ARHGEF25: variants seen among roughly 807,000 people sequenced by gnomAD.
ARHGEF25 encodes the protein Rho guanine nucleotide exchange factor 25.
In ARHGEF25, 42 loss-of-function variants were observed where a neutral mutation model predicts 74.0. That is an observed-to-expected ratio of 0.57 (90% CI 0.44 to 0.73). The LOEUF is 0.73. Among genes scored for constraint, ARHGEF25 ranks in the 30% least tolerant of loss-of-function variants. The probability of loss-of-function intolerance (pLI) is 0.00; values close to 1 mark genes in which losing one functional copy is unlikely to be tolerated. For missense variants in ARHGEF25, 645 were observed against 725.5 expected (o/e 0.89, Z 1.27); for synonymous variants, 293 against 278.6 (o/e 1.05, Z -0.51).
chr12:57,613,633 G>C (rs1172538223), intron 4 of ARHGEF25, 61 bp from the exon 5 acceptor site: 9 of 1,610,574 alleles, frequency 5.6e-6, no homozygotes, highest in Non-Finnish European at 7.6e-6. Context: ...AGGGAGGAAC[G>C]GGCTGAACCA....
rs1415724996 is a variant in ARHGEF25 at position 57,614,635 on chromosome 12, G to A, written c.816+30G>A. ...GTAGCTGAGATGTCTTGGTGGGAAG[G>A]AGGACAGAACTGGGGCTTTCCAGGC... On this transcript the variant is annotated intron_variant, in intron 8 of 14. Coordinates refer to ENST00000286494, the MANE Select transcript of ARHGEF25 (RefSeq NM_182947.4). The surrounding 1 kb of genome is among the most constrained non-coding windows in gnomAD (Gnocchi z 4.6). 4 of 1,613,984 alleles carry A rather than the reference G, an allele frequency of 2.5e-6. No individual in the cohort carries two copies. Among genetic ancestry groups the A allele is most frequent in the Non-Finnish European group, 2.5e-6 (3 of 1,179,980 alleles).
At chr12:57,612,874 C>G in intron 1 of ARHGEF25, 56 bp from the exon 2 acceptor site, 5 of 1,575,544 alleles carry the variant, frequency 3.2e-6, no homozygotes, top group Non-Finnish European at 3.5e-6. Context: ...CCCTGGGGAC[C>G]CTGAGTCTGG....
At position 57,614,469 on chromosome 12, in the gene ARHGEF25, C is replaced by T; in HGVS notation, c.727-47C>T. ...GGCTGGGATTCTCTGGAGATGCGTCCTCCCTCCTTGCCCACCCTGCTCTCT... is the reference window on the plus strand; with the variant it reads ...GGCTGGGATTCTCTGGAGATGCGTCTTCCCTCCTTGCCCACCCTGCTCTCT... On this transcript the variant is annotated intron_variant, in intron 7 of 14. Coordinates refer to ENST00000286494, the MANE Select transcript of ARHGEF25 (RefSeq NM_182947.4). The surrounding 1 kb of genome is among the most constrained non-coding windows in gnomAD (Gnocchi z 4.6). The T allele has an allele frequency of 6.2e-7, 1 of 1,613,856 alleles. No individual in the cohort carries two copies. The highest frequency in any genetic ancestry group is 8.5e-7 in the Non-Finnish European group (1 of 1,179,806).
intron 1 of ARHGEF25, 185 bp from the exon 2 acceptor site, chr12:57,612,745 C>T (rs1244769948): frequency 3.1e-5 from 46 of 1,473,364 alleles, no homozygotes; most frequent in Non-Finnish European, 3.9e-5. Flanking sequence ...CCTTACTGTG[C>T]TTTCTCCCAG....
At chr12:57,613,887 C>T (rs1884165911) in intron 5 of ARHGEF25, 127 bp downstream of exon 5, 2 of 1,482,036 alleles carry the variant, frequency 1.3e-6, no homozygotes, top group African/African-American at 1.4e-5. Context: ...GACCTTCCTA[C>T]TCTGGGGGCA....
chr12:57,617,018 G>T lies in ARHGEF25; in HGVS notation c.*124G>T. The T allele has an allele frequency of 1.4e-6, 1 of 726,382 alleles. No homozygotes were observed. Among genetic ancestry groups the T allele is most frequent in the East Asian group, 2.6e-5 (1 of 38,620 alleles). 45.0% of individuals were successfully genotyped at this position (726,382 alleles called of 1,614,324 possible). On this transcript the variant is annotated 3_prime_UTR_variant, in exon 15 of 15. Transcript: ENST00000286494. ...GTGTGTCTGGAGGGTGGGCAAGGCTGGGAGGGATATCAACTTGGAGGAGAA... is the reference window on the plus strand; with the variant it reads ...GTGTGTCTGGAGGGTGGGCAAGGCTTGGAGGGATATCAACTTGGAGGAGAA...
rs377278375 is a variant in ARHGEF25 at position 57,613,111 on chromosome 12, T to A, written c.279T>A (p.Thr93=). The stretch of plus-strand genomic sequence containing the variant: ...CCAAACATTGTCTCAGTGTGGAAAC[T>A]GAGGCAGACAGTGGTCAGGCAGGAC... ...DHSKHCLSVE[T]EADSGQAGPY... is the part of the protein sequence containing the mutation. Residue 93 remains threonine, a synonymous_variant, in exon 2 of 15, where the codon ACT becomes ACA. Coordinates refer to ENST00000286494, the MANE Select transcript of ARHGEF25 (RefSeq NM_182947.4). 6.4e-5 allele frequency: 103 copies of A among 1,613,440 alleles called. No individual in the cohort carries two copies. The highest frequency in any genetic ancestry group is 8.6e-5 in the Non-Finnish European group (101 of 1,179,590).
intron 13 of ARHGEF25, 66 bp downstream of exon 13, chr12:57,616,083 G>T: frequency 6.4e-7 from 1 of 1,559,082 alleles, no homozygotes; most frequent in Non-Finnish European, 8.7e-7. Flanking sequence ...ATCCCTCACT[G>T]CCCAGTCTCC....
At chr12:57,613,651 G>A (rs376700960) in intron 4 of ARHGEF25, 43 bp from the exon 5 acceptor site, 8 of 1,612,590 alleles carry the variant, frequency 5.0e-6, no homozygotes, top group Non-Finnish European at 6.8e-6. Flanking sequence ...CCAAGGATGA[G>A]CTCCGACGCT....
chr12:57,616,635 C>G (rs111386612), intron 14 of ARHGEF25, 140 bp downstream of exon 14: 7 of 999,560 alleles, frequency 7.0e-6, no homozygotes, highest in African/African-American at 6.5e-5. Flanking sequence ...CTTCTCCCCT[C>G]TATTTTAACT....
chr12:57,611,451 C>A lies in ARHGEF25; in HGVS notation c.-444C>A. 2.0e-6 allele frequency: 2 copies of A among 985,384 alleles called. No individual in the cohort carries two copies. Among genetic ancestry groups the A allele is most frequent in the Non-Finnish European group, 2.4e-6 (2 of 830,008 alleles). 61.0% of individuals were successfully genotyped at this position (985,384 alleles called of 1,614,324 possible). ...AGGCCTGTTATTCAGCTCTCCGCTC[C>A]GCTGGGACCCGCACAGCGCCAGTGG... On this transcript the variant is annotated 5_prime_UTR_variant, in exon 1 of 15. Transcript: ENST00000286494. The surrounding 1 kb of genome is among the most constrained non-coding windows in gnomAD (Gnocchi z 4.5).
Position 57,613,357 on chromosome 12 carries a change from C to A in ARHGEF25, c.406C>A (p.Gln136Lys), listed in dbSNP as rs577533598. The A allele has an allele frequency of 9.3e-6, 15 of 1,614,224 alleles. No individual in the cohort carries two copies. Among genetic ancestry groups the A allele is most frequent in the Middle Eastern group, 1.6e-4 (1 of 6,062 alleles). Residue 136 changes from glutamine to lysine, a missense_variant and splice_region_variant, in exon 3 of 15, where the codon CAG (glutamine) becomes AAG (lysine). This residue lies in a region of ARHGEF25 where 189 missense variants were observed against 199.1 expected (regional missense o/e 0.95). Coordinates refer to ENST00000286494, the MANE Select transcript of ARHGEF25 (RefSeq NM_182947.4). ...TLLEGPGDKTQPPEEETLSQA... is the reference protein window; with the variant it reads ...TLLEGPGDKTKPPEEETLSQA... Reference sequence around the variant, plus strand: ...GTTGGAGGGCCCTGGAGATAAGACGCAGGTGTGAGGACAGGCTCTGGGGAG... The same window carrying A: ...GTTGGAGGGCCCTGGAGATAAGACGAAGGTGTGAGGACAGGCTCTGGGGAG...
chr12:57,610,512 G>T (rs1005233503), upstream of ARHGEF25: 5 of 1,425,088 alleles, frequency 3.5e-6, no homozygotes, highest in African/African-American at 7.1e-5. Context: ...AGAAGGGGAA[G>T]GGGGAGGTCA....
At chr12:57,616,610 T>C (rs1218762143) in intron 14 of ARHGEF25, 115 bp downstream of exon 14, 17 of 1,070,236 alleles carry the variant, frequency 1.6e-5, no homozygotes, top group Non-Finnish European at 2.3e-5. Flanking sequence ...TCCTTCCTAC[T>C]TCCCATCCCT....
rs1884076279 is a variant in ARHGEF25 at position 57,612,017 on chromosome 12, G to C, written c.97+26G>C. ...GTGAGTGCCAGGTCGAGAGGGTCCA[G>C]TGTTGAGTGGGGGGCGGGCTGGGGG... On this transcript the variant is annotated intron_variant, in intron 1 of 14. Coordinates refer to ENST00000286494, the MANE Select transcript of ARHGEF25 (RefSeq NM_182947.4). 4.6e-6 allele frequency: 6 copies of C among 1,294,038 alleles called. No homozygotes were observed. The South Asian group carries it at 1.3e-4, about 28-fold the overall frequency. The allele number at this position is 1,294,038 out of a possible 1,614,324, so 80.2% of individuals were successfully genotyped here.
chr12:57,617,094 C>T lies in ARHGEF25; in HGVS notation c.*200C>T. Reference sequence around the variant, plus strand: ...GCCCAAGGAACACAGTTTCCTTCAGCTCCCATCCCTATGCATGCATCATGG... The same window carrying T: ...GCCCAAGGAACACAGTTTCCTTCAGTTCCCATCCCTATGCATGCATCATGG... On this transcript the variant is annotated 3_prime_UTR_variant, in exon 15 of 15. Transcript: ENST00000286494. The T allele has an allele frequency of 2.5e-6, 1 of 393,778 alleles. No individual in the cohort carries two copies. The highest frequency in any genetic ancestry group is 4.6e-6 in the Non-Finnish European group (1 of 218,918). 24.4% of individuals were successfully genotyped at this position (393,778 alleles called of 1,614,324 possible). A position where few individuals can be genotyped will look rare whatever the true frequency, so the allele number is the denominator to read the frequency against.
Position 57,613,433 on chromosome 12 carries a change from C to G in ARHGEF25, c.409-7C>G. Reference sequence around the variant, plus strand: ...TTTGCTCACCCTAGGATGTTCTTTCCTTCCAGCCACCTGAAGAGGAGACTT... The same window carrying G: ...TTTGCTCACCCTAGGATGTTCTTTCGTTCCAGCCACCTGAAGAGGAGACTT... On this transcript the variant is annotated splice_region_variant and splice_polypyrimidine_tract_variant and intron_variant, in intron 3 of 14. Transcript: ENST00000286494. 6.2e-7 allele frequency: 1 copy of G among 1,614,208 alleles called. No individual in the cohort carries two copies. The highest frequency in any genetic ancestry group is 8.5e-7 in the Non-Finnish European group (1 of 1,180,042).
upstream of ARHGEF25, chr12:57,611,417 C>T: frequency 1.0e-6 from 1 of 985,120 alleles, no homozygotes; most frequent in Non-Finnish European, 1.2e-6. This position sits in a 1 kb window ranked among gnomAD's most constrained non-coding sequence, Gnocchi z 4.5. Flanking sequence ...TCGTGGCGGC[C>T]CCGCGGCCAG....
chr12:57,614,008 T>C lies in ARHGEF25; in HGVS notation c.553-8T>C. On this transcript the variant is annotated splice_polypyrimidine_tract_variant and splice_region_variant and intron_variant, in intron 5 of 14. Transcript: ENST00000286494. This position sits in a 1 kb window ranked among gnomAD's most constrained non-coding sequence, Gnocchi z 4.6. ...CATGCTCATGACCCAACCTCAACTT[T>C]CCCACAGGGTTATATGGCCACCATG... The C allele has an allele frequency of 6.2e-7, 1 of 1,613,750 alleles. No homozygotes were observed. The highest frequency in any genetic ancestry group is 1.3e-5 in the African/African-American group (1 of 74,954).
Sources: gnomAD v4.1 joint callset for allele counts on GRCh38, gnomAD v4.1.1 for gene constraint, gnomAD v4.1.1 regional missense constraint, Gnocchi (gnomAD v3.1) non-coding constraint, MANE v1.5 for transcripts, NCBI Gene and HGNC (gene_info 2026-07-23, HGNC 2026-07-21) for gene names.